RGS22: variants seen among roughly 807,000 people sequenced by gnomAD.
RGS22 encodes regulator of G protein signaling 22, also known as regulator of G-protein signaling 22.
Under a neutral mutation model 172.9 loss-of-function variants are expected in RGS22, and 148 were observed. The observed-to-expected ratio is 0.86, with a 90% CI of 0.75 to 0.98. RGS22 has a LOEUF of 0.98. Among genes scored for constraint, RGS22 ranks in the 50% least tolerant of loss-of-function variants. The pLI, the probability that RGS22 is intolerant of heterozygous loss-of-function variation, is 0.00. For synonymous variants in RGS22, 458 were observed against 480.2 expected (o/e 0.95, Z 0.60); for missense variants, 1,347 against 1,440.8 (o/e 0.93, Z 1.05).
chr8:99,986,072 A>T (rs890870648), intron 21 of RGS22, among the ~76,000 whole-genome samples: 4 of 152,058 alleles, frequency 2.6e-5, no homozygotes, highest in African/African-American at 4.8e-5. Context: ...TCTACAAAAA[A>T]ATTAAAAATT....
At chr8:100,070,550 C>T (rs975573505) in intron 6 of RGS22, among the ~76,000 whole-genome samples, 2 of 152,136 alleles carry the variant, frequency 1.3e-5, no homozygotes, top group Non-Finnish European at 1.5e-5. Flanking sequence ...AATTAAGGAA[C>T]ACTGTTTTCC....
In RGS22 at chr8:100,030,349, A is replaced by AT. The variant is rs541890424; in HGVS notation, c.2166+8581dup. 3.4e-4 allele frequency among the ~76,000 whole-genome samples: 52 copies of AT among 152,324 alleles called. 2 individuals carry two copies. The East Asian group carries it at 5.4e-3, about 16-fold the overall frequency. On this transcript the variant is annotated intron_variant, in intron 14 of 27. Coordinates refer to ENST00000360863, the MANE Select transcript of RGS22 (RefSeq NM_015668.5). ...CTGGTTTATGTATTTGCTACACTAT[A>AT]TTTTTTATCATTTTTTTAGAATGTA...
chr8:100,042,871 A>T (rs1820284065), intron 11 of RGS22: 1 of 152,212 alleles, frequency 6.6e-6, no homozygotes, highest in South Asian at 2.1e-4. Context: ...TAGCCATGAG[A>T]CACAGTTGTG....
intron 12 of RGS22, 68 bp downstream of exon 12, chr8:100,041,734 C>A: frequency 6.0e-6 from 5 of 833,002 alleles, no homozygotes; most frequent in South Asian, 3.2e-5. Flanking sequence ...AATACAAATT[C>A]TCTAAAATCA....
At chr8:100,072,888 G>A (rs1811090089) in intron 4 of RGS22, among the ~76,000 whole-genome samples, 1 of 152,178 alleles carries the variant, frequency 6.6e-6, no homozygotes, top group Non-Finnish European at 1.5e-5. Context: ...CAAACCATAA[G>A]TGTAGCAGTA....
chr8:100,080,414 T>A, intron 3 of RGS22, 59 bp from the exon 4 acceptor site: 1 of 1,244,684 alleles, frequency 8.0e-7, no homozygotes, highest in African/African-American at 1.5e-5. Context: ...TCATGGTCTC[T>A]AAGAAGACTT....
chr8:100,070,087 A>C (rs1433787616), intron 6 of RGS22, among the ~76,000 whole-genome samples: 1 of 151,574 alleles, frequency 6.6e-6, no homozygotes, highest in Non-Finnish European at 1.5e-5. Flanking sequence ...AAAAATAACG[A>C]ATCTAAGTGA....
intron 18 of RGS22, among the ~76,000 whole-genome samples, chr8:100,001,741 T>G (rs909818655): frequency 6.6e-6 from 1 of 152,200 alleles, no homozygotes; most frequent in African/African-American, 2.4e-5. Flanking sequence ...TAAAGAGGAT[T>G]TTCAAAGATT....
chr8:100,029,225 T>G (rs1818505151), intron 14 of RGS22, among the ~76,000 whole-genome samples: 1 of 152,204 alleles, frequency 6.6e-6, no homozygotes, highest in Non-Finnish European at 1.5e-5. Context: ...ACACTAGCCC[T>G]GGCTGAGACC....
intron 5 of RGS22, among the ~76,000 whole-genome samples, chr8:100,071,935 C>T (rs996003354): frequency 6.6e-6 from 1 of 152,164 alleles, no homozygotes. Flanking sequence ...GAGAGGCTCA[C>T]GCCTGTAATC....
intron 14 of RGS22, among the ~76,000 whole-genome samples, chr8:100,022,747 ATTTAT>A (rs1253850893): frequency 6.6e-6 from 1 of 151,420 alleles, no homozygotes; most frequent in African/African-American, 2.4e-5. Context: ...TAATTAATTA[ATTTAT>A]TTATTTATTT....
At chr8:100,053,936 T>G (rs542819228) in intron 9 of RGS22, among the ~76,000 whole-genome samples, 94 of 152,316 alleles carry the variant, frequency 6.2e-4, no homozygotes, top group African/African-American at 2.1e-3. Flanking sequence ...GCCTGGCCTA[T>G]AAACATTTTT....
At position 100,002,238 on chromosome 8, in the gene RGS22, T is replaced by C. The variant is rs757762604; in HGVS notation, c.2754A>G (p.Gly918=). 1.1e-4 allele frequency: 184 copies of C among 1,607,186 alleles called. No individual in the cohort carries two copies. Among genetic ancestry groups the C allele is most frequent in the Non-Finnish European group, 1.5e-4 (178 of 1,177,544 alleles). Residue 918 remains glycine, a synonymous_variant, in exon 18 of 28, where the codon GGA becomes GGG. Coordinates refer to ENST00000360863, the MANE Select transcript of RGS22 (RefSeq NM_015668.5). The part of the protein sequence containing the change: ...NKYLNKKYFF[G]PNSPASLYQQ... ...GATACAGAGAAGCTGGACTGTTGGG[T>C]CCAAAGAAATATTTTTTATTAAGGT... is the stretch of plus-strand genomic sequence containing the variant.
intron 14 of RGS22, among the ~76,000 whole-genome samples, chr8:100,010,705 C>A (rs1270937510): frequency 2.0e-5 from 3 of 151,934 alleles, no homozygotes; most frequent in Non-Finnish European, 2.9e-5. Flanking sequence ...ACAGTAGATG[C>A]CATAAACATT....
chr8:100,008,516 T>G lies in RGS22; in HGVS notation c.2220A>C (p.Gln740His), dbSNP rs780835853. Residue 740 changes from glutamine to histidine, a missense_variant, in exon 15 of 28, where the codon CAA becomes CAC. Physicochemically the swap from Gln to His is conservative, Grantham distance 24. Transcript: ENST00000360863. ...TATAAATTTCTTTTTTCTTTTCCTG[T>G]TGGAGTCCAATGTCAAGAGTGGCAG... ...APSATLDIGL[Q>H]QEKKKEIYMK... is the part of the protein sequence containing the mutation. 1 of 1,612,810 alleles carries G rather than the reference T, an allele frequency of 6.2e-7. No individual in the cohort carries two copies. Among genetic ancestry groups the G allele is most frequent in the Admixed American group, 1.7e-5 (1 of 59,708 alleles).
intron 2 of RGS22, among the ~76,000 whole-genome samples, chr8:100,099,180 C>T (rs750315503): frequency 1.3e-5 from 2 of 152,096 alleles, no homozygotes; most frequent in Non-Finnish European, 2.9e-5. Context: ...TCTCAAAGTG[C>T]TGGGATTACA....
At chr8:100,081,982 C>A (rs2446907) in intron 3 of RGS22, among the ~76,000 whole-genome samples, 90,445 of 149,284 alleles carry the variant, frequency 0.61, 27,453 homozygotes, top group Admixed American at 0.66. Context: ...GATAATCCAA[C>A]GCAAAGAATG....
rs112118490 is a variant in RGS22 at position 99,998,968 on chromosome 8, G to A, written c.2949+294C>T. Among the ~76,000 whole-genome samples, 627 of 152,184 alleles carry A rather than the reference G, an allele frequency of 4.1e-3. 3 individuals carry two copies. Among genetic ancestry groups the A allele is most frequent in the African/African-American group, 0.014 (594 of 41,512 alleles). ...GCCTAGGAGTTTGAGACCAGCCTGG[G>A]CACATAGCAAGACTCCATCTCTTCA... On this transcript the variant is annotated intron_variant, in intron 19 of 27. Coordinates refer to ENST00000360863, the MANE Select transcript of RGS22 (RefSeq NM_015668.5).
chr8:100,073,701 A>G (rs1018696137), intron 4 of RGS22, among the ~76,000 whole-genome samples: 3 of 152,198 alleles, frequency 2.0e-5, no homozygotes, highest in African/African-American at 7.2e-5. Flanking sequence ...AACTACATAT[A>G]AAGATCCACA....
Sources: gnomAD v4.1 joint callset for allele counts (sites outside exome capture counted in the v4.1 genomes callset) on GRCh38, gnomAD v4.1.1 for gene constraint, MANE v1.5 for transcripts, NCBI Gene and HGNC (gene_info 2026-07-23, HGNC 2026-07-21) for gene names.